Variants in TPO observed in about 807,000 individuals in gnomAD.
TPO encodes thyroid peroxidase, also known as thyroid microsomal antigen.
TPO carries 78 observed loss-of-function variants against 96.9 expected under a neutral mutation model. The observed-to-expected ratio is 0.81, with a 90% CI of 0.67 to 0.97. The LOEUF (loss-of-function observed/expected upper bound fraction) is 0.97, where lower values mean the gene tolerates loss of function less well. TPO is among the 50% of genes least tolerant of loss of function. TPO has a pLI of 0.00. For synonymous variants in TPO, 547 were observed against 538.0 expected, an observed-to-expected ratio of 1.02 and a Z score of -0.23; for missense variants, 1,252 against 1,274.8, an observed-to-expected ratio of 0.98 and a Z score of 0.27.
intron 8 of TPO, 81 bp downstream of exon 8, chr2:1,477,685 T>C: frequency 1.4e-6 from 2 of 1,395,402 alleles, no homozygotes; most frequent in Non-Finnish European, 9.3e-7. Flanking sequence ...GCATCGTGGC[T>C]TCTCTCTCCC....
intron 10 of TPO, among the ~76,000 whole-genome samples, chr2:1,490,918 T>C (rs530273403): frequency 1.3e-5 from 2 of 152,312 alleles, no homozygotes; most frequent in South Asian, 4.1e-4. Context: ...ACGCCTGTAA[T>C]CCCTGCACTT....
chr2:1,376,324 A>G (rs1661720875), intron 1 of TPO, among the ~76,000 whole-genome samples: 1 of 152,050 alleles, frequency 6.6e-6, no homozygotes, highest in Admixed American at 6.6e-5. Flanking sequence ...TTGACCAGAC[A>G]TTTTGCTCTT....
intron 3 of TPO, among the ~76,000 whole-genome samples, chr2:1,423,727 A>G (rs912934792): frequency 3.9e-5 from 6 of 152,234 alleles, no homozygotes; most frequent in Non-Finnish European, 8.8e-5. Flanking sequence ...AGTTCTTGAG[A>G]TACAAAATAT....
At chr2:1,460,357 T>C (rs1312331422) in intron 7 of TPO, among the ~76,000 whole-genome samples, 1 of 152,150 alleles carries the variant, frequency 6.6e-6, no homozygotes, top group East Asian at 1.9e-4. Context: ...GAGGCCCTCG[T>C]TCCCAGCTAA....
chr2:1,453,681 T>G lies in TPO; in HGVS notation c.483-13T>G. 1 of 1,613,916 alleles carries G rather than the reference T, an allele frequency of 6.2e-7. No individual in the cohort carries two copies. Among genetic ancestry groups the G allele is most frequent in the South Asian group, 1.1e-5 (1 of 91,086 alleles). ...CCCCCATCTCAAACACATCCTTGCA[T>G]TTGTCTCCACAGAGACCACCCCAGA... On this transcript the variant is annotated splice_polypyrimidine_tract_variant and intron_variant, in intron 5 of 16. Transcript: ENST00000329066.
intron 15 of TPO, among the ~76,000 whole-genome samples, chr2:1,532,781 TC>T (rs1240007545): frequency 6.9e-4 from 14 of 20,154 alleles, no homozygotes; most frequent in African/African-American, 4.1e-3. Context: ...GTGAGCAACC[TC>T]CCCAAATCCC....
At chr2:1,460,724 G>C (rs1326615424) in intron 7 of TPO, among the ~76,000 whole-genome samples, 15 of 152,204 alleles carry the variant, frequency 9.9e-5, no homozygotes. Flanking sequence ...CTCTGAGAGG[G>C]ATGTGGGGTG....
rs1487071643 is a variant in TPO at position 1,542,524 on chromosome 2, C to CGTACGACTCT, written c.*51_*60dup. On this transcript the variant is annotated 3_prime_UTR_variant, in exon 17 of 17. Transcript: ENST00000329066. ...AACAGCTTCATGTTCCCAAAATCAC[C>CGTACGACTCT]GTACGACTCTTTTCCAAACACAGGC... 3.1e-6 allele frequency: 5 copies of CGTACGACTCT among 1,611,822 alleles called. No individual in the cohort carries two copies. Among genetic ancestry groups the CGTACGACTCT allele is most frequent in the Non-Finnish European group, 4.2e-6 (5 of 1,179,038 alleles).
chr2:1,517,287 T>A (rs954270729), intron 15 of TPO, among the ~76,000 whole-genome samples: 1 of 152,198 alleles, frequency 6.6e-6, no homozygotes, highest in Non-Finnish European at 1.5e-5. Context: ...AGTCTCTTGT[T>A]AGGAGTAAAG....
At chr2:1,393,315 C>A (rs1662032190) in intron 1 of TPO, among the ~76,000 whole-genome samples, 1 of 152,236 alleles carries the variant, frequency 6.6e-6, no homozygotes, top group South Asian at 2.1e-4. Context: ...TGAGAAATCG[C>A]CCATGACCCA....
chr2:1,503,591 G>GCC (rs1454163090), intron 13 of TPO, among the ~76,000 whole-genome samples: 1 of 152,078 alleles, frequency 6.6e-6, no homozygotes, highest in East Asian at 1.9e-4. Context: ...AGCAGACCCT[G>GCC]CCCCACCCTC....
intron 11 of TPO, 52 bp from the exon 12 acceptor site, chr2:1,495,931 GCCTGCC>G: frequency 3.8e-6 from 6 of 1,564,272 alleles, no homozygotes; most frequent in South Asian, 2.3e-5. Context: ...GGTCTTGAGT[GCCTGCC>G]CTGGGGGTTC....
chr2:1,523,981 A>G (rs2125121135), intron 15 of TPO, among the ~76,000 whole-genome samples: 1 of 90,326 alleles, frequency 1.1e-5, no homozygotes, highest in South Asian at 4.6e-4. Context: ...ACTTCCCCAA[A>G]TCCCCCCTAC....
intron 13 of TPO, among the ~76,000 whole-genome samples, chr2:1,501,361 C>T (rs986407391): frequency 6.6e-6 from 1 of 152,216 alleles, no homozygotes; most frequent in Admixed American, 6.5e-5. Flanking sequence ...GACACTGCGG[C>T]TGAGGCTGGT....
intron 1 of TPO, among the ~76,000 whole-genome samples, chr2:1,378,641 A>C (rs1454615056): frequency 6.6e-6 from 1 of 151,724 alleles, no homozygotes; most frequent in Non-Finnish European, 1.5e-5. Context: ...GGCGACTGCG[A>C]CTCCGTGCTG....
intron 15 of TPO, among the ~76,000 whole-genome samples, chr2:1,521,923 C>A (rs1037437895): frequency 1.6e-4 from 24 of 152,062 alleles, no homozygotes; most frequent in Non-Finnish European, 3.4e-4. Context: ...GTCCAGTTTC[C>A]AGCCCAGAAC....
chr2:1,530,293 TGTGAGCAACCTCCTAAAATCC>T (rs1677792035), intron 15 of TPO, among the ~76,000 whole-genome samples: 1 of 59,516 alleles, frequency 1.7e-5, no homozygotes, highest in Non-Finnish European at 3.6e-5. Flanking sequence ...CCCCCGCCAG[TGTGAGCAACCTCCTAAAATCC>T]CCACACTGTG....
intron 14 of TPO, among the ~76,000 whole-genome samples, chr2:1,509,723 C>T (rs1037905953): frequency 8.0e-5 from 3 of 37,286 alleles, no homozygotes; most frequent in African/African-American, 4.2e-4. Flanking sequence ...CTGTCAGGCA[C>T]AGCCCACCCT....
At chr2:1,443,687 T>C (rs1469532193) in intron 5 of TPO, among the ~76,000 whole-genome samples, 2 of 128,392 alleles carry the variant, frequency 1.6e-5, no homozygotes, top group Admixed American at 7.5e-5. Flanking sequence ...GGCACCTTGT[T>C]GGAAGGGAAT....
Sources: gnomAD v4.1 joint callset for allele counts (sites outside exome capture counted in the v4.1 genomes callset) on GRCh38, gnomAD v4.1.1 for gene constraint, MANE v1.5 for transcripts, NCBI Gene and HGNC (gene_info 2026-07-23, HGNC 2026-07-21) for gene names.